The following NAV2 variants were observed in gnomAD, a reference collection of about 807,000 sequenced individuals.
NAV2 encodes the protein neuron navigator 2.
Under a neutral mutation model 223.2 loss-of-function variants are expected in NAV2, and 54 were observed. The ratio of observed to expected loss-of-function variants is 0.24; its 90% confidence interval spans 0.19 to 0.30. The LOEUF (loss-of-function observed/expected upper bound fraction) is 0.30. NAV2 is among the 10% of genes least tolerant of loss of function. The pLI is 1.00. For synonymous variants in NAV2, 1,279 were observed against 1,239.3 expected (o/e 1.03, Z -0.67); for missense variants, 2,806 against 3,147.5 (o/e 0.89, Z 2.60).
chr11:19,362,905 T>A (rs1415788504), intron 1 of NAV2, among the ~76,000 whole-genome samples: 3 of 152,262 alleles, frequency 2.0e-5, no homozygotes, highest in Admixed American at 6.5e-5. Context: ...GATCATCCAG[T>A]CATTCAACAA....
rs528072237 is a variant in NAV2 at position 19,785,523 on chromosome 11, A to G, written c.268-46961A>G. Among the ~76,000 whole-genome samples the G allele has an allele frequency of 2.6e-5, 4 of 152,354 alleles. No homozygotes were observed. In the South Asian group the frequency reaches 6.2e-4, roughly 24 times the overall value. On this transcript the variant is annotated intron_variant, in intron 1 of 37. Coordinates refer to ENST00000349880, the MANE Select transcript of NAV2 (RefSeq NM_145117.5). Reference sequence around the variant, plus strand: ...AAAGCCAACTAAAGTATATTATTTTATCAGTATTGAATGCCTCCTAGACTT... The same window carrying G: ...AAAGCCAACTAAAGTATATTATTTTGTCAGTATTGAATGCCTCCTAGACTT...
intron 1 of NAV2, chr11:19,504,529 G>C (rs969121418): frequency 6.6e-6 from 1 of 152,190 alleles, no homozygotes; most frequent in Non-Finnish European, 1.5e-5. Flanking sequence ...AGTCCAAACT[G>C]AGTGACCACT....
chr11:19,949,590 C>G (rs2047217883), intron 10 of NAV2, among the ~76,000 whole-genome samples: 1 of 152,256 alleles, frequency 6.6e-6, no homozygotes, highest in South Asian at 2.1e-4. Flanking sequence ...CAGCTGACAC[C>G]TCCTTGGAGG....
chr11:19,529,041 A>G (rs1304640074), intron 1 of NAV2, among the ~76,000 whole-genome samples: 1 of 152,204 alleles, frequency 6.6e-6, no homozygotes, highest in Non-Finnish European at 1.5e-5. Flanking sequence ...TATAGAAGAA[A>G]GGGCGTTTTG....
At chr11:19,734,366 T>C in intron 1 of NAV2, among the ~76,000 whole-genome samples, 1 of 152,196 alleles carries the variant, frequency 6.6e-6, no homozygotes, top group East Asian at 1.9e-4. Flanking sequence ...GTCATCAGCT[T>C]CAGTGCAAGG....
chr11:19,708,635 G>A (rs2049750694), upstream of NAV2, among the ~76,000 whole-genome samples: 1 of 152,196 alleles, frequency 6.6e-6, no homozygotes, highest in Non-Finnish European at 1.5e-5. Context: ...CTAATCACAA[G>A]TGGCTGACGT....
chr11:20,102,500 G>T (rs550180581), intron 32 of NAV2, among the ~76,000 whole-genome samples: 65 of 152,204 alleles, frequency 4.3e-4, no homozygotes, highest in African/African-American at 1.4e-3. Flanking sequence ...TAAAATGGAC[G>T]TAATCATAGT....
intron 1 of NAV2, among the ~76,000 whole-genome samples, chr11:19,767,138 T>A (rs1193535399): frequency 6.6e-6 from 1 of 152,146 alleles, no homozygotes; most frequent in African/African-American, 2.4e-5. Context: ...GATACAAGAA[T>A]CTCTTCTTTG....
chr11:19,933,935 T>C lies in NAV2; in HGVS notation c.1691T>C (p.Ile564Thr). Residue 564 changes from isoleucine (I) to threonine (T), a missense_variant, in exon 7 of 38, where the codon ATA becomes ACA. Ile to Thr is a moderately conservative substitution (Grantham distance 89). This residue lies in a region of NAV2 where 1,167 missense variants were observed against 1,180.5 expected (regional missense o/e 0.99). Coordinates refer to ENST00000349880, the MANE Select transcript of NAV2 (RefSeq NM_145117.5). The surrounding 1 kb of genome is among the most constrained non-coding windows in gnomAD (Gnocchi z 4.3). The part of the protein sequence containing the change: ...KEPMAPSHSG[I>T]PKPGMKSMPG... ...CCCATGGCCCCTTCCCACAGTGGAA[T>C]ACCAAAACCAGGAATGAAAAGCATG... 3 of 1,593,274 alleles carry C rather than the reference T, an allele frequency of 1.9e-6. No individual in the cohort carries two copies. Among genetic ancestry groups the C allele is most frequent in the Non-Finnish European group, 2.6e-6 (3 of 1,172,158 alleles).
At chr11:19,746,247 C>G (rs887376916) in intron 1 of NAV2, among the ~76,000 whole-genome samples, 1 of 152,182 alleles carries the variant, frequency 6.6e-6, no homozygotes, top group African/African-American at 2.4e-5. Flanking sequence ...AGAAGACATG[C>G]TGACAGTGTC....
At chr11:19,749,400 AT>A (rs1354554889) in intron 1 of NAV2, among the ~76,000 whole-genome samples, 9 of 152,146 alleles carry the variant, frequency 5.9e-5, no homozygotes, top group African/African-American at 2.2e-4. Context: ...AAATGTCGTT[AT>A]TTTTTATGAT....
chr11:19,683,500 A>G lies in NAV2; in HGVS notation c.76-148984A>G, dbSNP rs79589394. Among the ~76,000 whole-genome samples, 1,250 of 152,378 alleles carry G rather than the reference A, an allele frequency of 8.2e-3. 8 individuals are homozygous for G. Among genetic ancestry groups the G allele is most frequent in the Non-Finnish European group, 0.014 (976 of 68,042 alleles). ...GCTCAGCCAAATCCCCTATGCTGGC[A>G]TTACTGGTAGAGTTCTCAGCCAGCT... is the stretch of plus-strand genomic sequence containing the variant. On this transcript the variant is annotated intron_variant, in intron 1 of 37. Transcript: ENST00000360655.
At chr11:19,777,989 G>A (rs979928179) in intron 1 of NAV2, 25 of 455,846 alleles carry the variant, frequency 5.5e-5, no homozygotes, top group Non-Finnish European at 8.8e-5. Flanking sequence ...CCGAGTGAGT[G>A]AGTATGCACC....
At chr11:20,061,650 T>C (rs1197419769) in intron 19 of NAV2, among the ~76,000 whole-genome samples, 1 of 151,682 alleles carries the variant, frequency 6.6e-6, no homozygotes, top group East Asian at 1.9e-4. Context: ...AGTCCAAAAG[T>C]ATCAGTTTGA....
At chr11:20,081,034 G>A (rs1245541021) in intron 25 of NAV2, among the ~76,000 whole-genome samples, 1 of 152,160 alleles carries the variant, frequency 6.6e-6, no homozygotes, top group Non-Finnish European at 1.5e-5. Context: ...TTGTGCTGAC[G>A]GCATCCTGTT....
chr11:20,073,569 C>CT (rs2059538121), intron 22 of NAV2, among the ~76,000 whole-genome samples: 2 of 152,012 alleles, frequency 1.3e-5, no homozygotes, highest in Non-Finnish European at 2.9e-5. Context: ...TAGTTCTGGA[C>CT]TTTTTTTGGT....
intron 1 of NAV2, among the ~76,000 whole-genome samples, chr11:19,765,599 G>T (rs1220920416): frequency 6.6e-6 from 1 of 152,136 alleles, no homozygotes; most frequent in Non-Finnish European, 1.5e-5. Context: ...GCTGACTCTT[G>T]CTCTATACAA....
At chr11:19,939,343 C>T (rs867326137) in intron 7 of NAV2, among the ~76,000 whole-genome samples, 2 of 152,282 alleles carry the variant, frequency 1.3e-5, no homozygotes, top group Non-Finnish European at 1.5e-5. Context: ...ATTCAAATCA[C>T]CCCGTACCCT....
chr11:19,777,721 T>C (rs57303499), intron 1 of NAV2: 9,698 of 406,996 alleles, frequency 0.024, 839 homozygotes, highest in African/African-American at 0.18. Context: ...TGTGTGTATG[T>C]CTCTGGTTGT....
Sources: gnomAD v4.1 joint callset for allele counts (sites outside exome capture counted in the v4.1 genomes callset) on GRCh38, gnomAD v4.1.1 for gene constraint, gnomAD v4.1.1 regional missense constraint, Gnocchi (gnomAD v3.1) non-coding constraint, MANE v1.5 for transcripts, NCBI Gene and HGNC (gene_info 2026-07-23, HGNC 2026-07-21) for gene names.